WDPCP: variants seen among roughly 807,000 people sequenced by gnomAD.
WDPCP encodes WD repeat-containing and planar cell polarity effector protein fritz homolog.
A neutral mutation model predicts 93.1 loss-of-function variants in WDPCP; 71 were observed. That is an observed-to-expected ratio of 0.76 (90% CI 0.63 to 0.93). The LOEUF is 0.93. Among genes scored for constraint, WDPCP ranks in the 40% least tolerant of loss-of-function variants. The pLI, the probability that WDPCP is intolerant of heterozygous loss-of-function variation, is 0.00. For missense variants in WDPCP, 844 were observed against 887.4 expected (o/e 0.95, Z 0.62); for synonymous variants, 315 against 315.0 (o/e 1.00, Z 0.00).
At chr2:63,131,482 C>T (rs2153399594) in intron 17 of WDPCP, among the ~76,000 whole-genome samples, 1 of 152,060 alleles carries the variant, frequency 6.6e-6, no homozygotes, top group South Asian at 2.1e-4. Flanking sequence ...ACAGTTCCTC[C>T]TTTTTTTATT....
chr2:63,494,716 C>G (rs1701114952), intron 1 of WDPCP, among the ~76,000 whole-genome samples: 1 of 151,780 alleles, frequency 6.6e-6, no homozygotes, highest in Non-Finnish European at 1.5e-5. Flanking sequence ...GTCAGGAGAT[C>G]GAGACCATCC....
intron 3 of WDPCP, chr2:63,605,694 C>T (rs764224042): frequency 2.5e-5 from 15 of 590,896 alleles, no homozygotes; most frequent in Non-Finnish European, 4.2e-5. Context: ...TATGCCACAG[C>T]TTCCTCATCT....
intron 1 of WDPCP, among the ~76,000 whole-genome samples, chr2:63,563,997 G>A (rs4671065): frequency 0.8 from 122,315 of 152,188 alleles, 49,822 homozygotes; most frequent in East Asian, 0.98. Context: ...AAAAGGGTGA[G>A]TTTTAGGGTA....
chr2:63,614,881 C>T (rs866302175), intron 3 of WDPCP, among the ~76,000 whole-genome samples: 3 of 152,194 alleles, frequency 2.0e-5, no homozygotes, highest in African/African-American at 2.4e-5. Context: ...CACATTTCTA[C>T]GCAACTGTCT....
At chr2:63,190,238 G>A (rs1251673855) in intron 14 of WDPCP, among the ~76,000 whole-genome samples, 2 of 151,828 alleles carry the variant, frequency 1.3e-5, no homozygotes, top group African/African-American at 2.4e-5. Flanking sequence ...GACCAGCTTG[G>A]GCAACATGGC....
intron 12 of WDPCP, among the ~76,000 whole-genome samples, chr2:63,341,349 G>A (rs1465898750): frequency 2.6e-5 from 4 of 152,256 alleles, no homozygotes; most frequent in Non-Finnish European, 4.4e-5. Flanking sequence ...GGCTGGTCTC[G>A]AACTCCTGAC....
intron 1 of WDPCP, among the ~76,000 whole-genome samples, chr2:63,520,836 G>T (rs951633741): frequency 5.3e-5 from 8 of 150,082 alleles, no homozygotes; most frequent in African/African-American, 2.0e-4. Context: ...GGTCAAAGCT[G>T]CAGTGAGCCA....
chr2:63,608,037 C>T (rs1709572566), intron 3 of WDPCP, among the ~76,000 whole-genome samples: 1 of 151,956 alleles, frequency 6.6e-6, no homozygotes, highest in Admixed American at 6.6e-5. Context: ...GTAAACATTA[C>T]CTACGTTGAA....
At chr2:63,817,613 C>T (rs1163705072) in intron 1 of WDPCP, among the ~76,000 whole-genome samples, 2 of 152,160 alleles carry the variant, frequency 1.3e-5, no homozygotes, top group East Asian at 1.9e-4. Flanking sequence ...TTGTCTATGG[C>T]TGCTTTCACT....
Position 63,748,346 on chromosome 2 carries a change from C to T in WDPCP, n.308+65276G>A, listed in dbSNP as rs148821948. On this transcript the variant is annotated intron_variant and non_coding_transcript_variant, in intron 2 of 4. Transcript: ENST00000467687. The stretch of plus-strand genomic sequence containing the variant: ...TTAGATAAAATTATTTGAATAACCA[C>T]AAGATATAATATTTTCCTTAGTTTT... 4.1e-3 allele frequency among the ~76,000 whole-genome samples: 625 copies of T among 151,984 alleles called. 3 individuals carry two copies. Among genetic ancestry groups the T allele is most frequent in the African/African-American group, 0.014 (585 of 41,544 alleles).
intron 14 of WDPCP, among the ~76,000 whole-genome samples, chr2:63,223,015 C>A (rs1056980820): frequency 1.3e-5 from 2 of 152,062 alleles, no homozygotes; most frequent in East Asian, 1.9e-4. Context: ...ATGATCCTAA[C>A]AAACCAATTA....
intron 14 of WDPCP, among the ~76,000 whole-genome samples, chr2:63,238,627 A>G (rs538812246): frequency 9.9e-5 from 15 of 152,272 alleles, no homozygotes; most frequent in African/African-American, 3.4e-4. Context: ...ATTGGACATC[A>G]TTGCTACACA....
At chr2:63,485,412 A>G (rs1263449422) in intron 4 of WDPCP, among the ~76,000 whole-genome samples, 1 of 151,872 alleles carries the variant, frequency 6.6e-6, no homozygotes, top group Non-Finnish European at 1.5e-5. Context: ...GAGCAAAGAA[A>G]TAAAATGAAA....
chr2:63,825,354 G>A (rs949057845), intron 1 of WDPCP, among the ~76,000 whole-genome samples: 2 of 152,090 alleles, frequency 1.3e-5, no homozygotes, highest in African/African-American at 2.4e-5. Context: ...CTTGCTGAGT[G>A]GAAATAATGT....
At chr2:63,244,101 A>G (rs1680080032) in intron 14 of WDPCP, among the ~76,000 whole-genome samples, 1 of 152,206 alleles carries the variant, frequency 6.6e-6, no homozygotes, top group Non-Finnish European at 1.5e-5. Flanking sequence ...ACACAATTAC[A>G]TGGAAATTAA....
chr2:63,166,298 C>A (rs1365235659), intron 15 of WDPCP, among the ~76,000 whole-genome samples: 1 of 152,098 alleles, frequency 6.6e-6, no homozygotes, highest in Non-Finnish European at 1.5e-5. Flanking sequence ...AACCCCTGAC[C>A]TCGTGATTCG....
chr2:63,189,223 A>G (rs1385920400), intron 14 of WDPCP, among the ~76,000 whole-genome samples: 2 of 152,154 alleles, frequency 1.3e-5, no homozygotes, highest in African/African-American at 2.4e-5. Flanking sequence ...TACCCAAACT[A>G]TGCAAACTGT....
At chr2:63,500,454 G>GGTGTGTGTGTGTGTGTGT (rs35916043) in intron 1 of WDPCP, among the ~76,000 whole-genome samples, 8 of 149,580 alleles carry the variant, frequency 5.3e-5, no homozygotes, top group South Asian at 2.1e-4. Flanking sequence ...ATGGTGTGGG[G>GGTGTGTGTGTGTGTGTGT]GTGTGTGTGT....
chr2:63,665,276 A>C (rs1170023372), intron 2 of WDPCP, among the ~76,000 whole-genome samples: 5 of 152,152 alleles, frequency 3.3e-5, no homozygotes. Flanking sequence ...GTGAGGGAAG[A>C]ATCTGTTCTA....
Sources: allele counts gnomAD v4.1 joint callset (sites outside exome capture counted in the v4.1 genomes callset), GRCh38; gene constraint gnomAD v4.1.1; transcripts MANE v1.5; gene names NCBI Gene and HGNC (gene_info 2026-07-23, HGNC 2026-07-21).